ATP6V1E1: variants seen among roughly 807,000 people sequenced by gnomAD.
The protein encoded by ATP6V1E1 is V-type proton ATPase subunit E 1.
Under a neutral mutation model 35.2 loss-of-function variants are expected in ATP6V1E1, and 21 were observed. The observed-to-expected ratio is 0.60, with a 90% CI of 0.42 to 0.86. The LOEUF is 0.86. Among genes scored for constraint, ATP6V1E1 ranks in the 40% least tolerant of loss-of-function variants. The pLI, the probability that ATP6V1E1 is intolerant of heterozygous loss-of-function variation, is 0.00. For missense variants in ATP6V1E1, 183 were observed against 272.6 expected, an observed-to-expected ratio of 0.67 and a Z score of 2.32; for synonymous variants, 83 against 87.8, an observed-to-expected ratio of 0.95 and a Z score of 0.30.
intron 2 of ATP6V1E1, among the ~76,000 whole-genome samples, chr22:17,618,585 G>C (rs8141618): frequency 0.2 from 30,103 of 151,244 alleles, 3,631 homozygotes; most frequent in African/African-American, 0.34. Flanking sequence ...GGGAGGCTCA[G>C]GCAAGAGAAC....
At chr22:17,621,317 T>C (rs2057876296) in intron 1 of ATP6V1E1, among the ~76,000 whole-genome samples, 1 of 152,158 alleles carries the variant, frequency 6.6e-6, no homozygotes, top group Non-Finnish European at 1.5e-5. Flanking sequence ...TATCACTGCT[T>C]ATCTGTCTTT....
intron 3 of ATP6V1E1, 29 bp downstream of exon 3, chr22:17,613,177 TCTTAG>T (rs747848188): frequency 2.3e-5 from 37 of 1,587,694 alleles, no homozygotes; most frequent in South Asian, 2.2e-4. Flanking sequence ...TCAGAAAACT[TCTTAG>T]CTTAATACTG....
At chr22:17,609,278 A>C (rs2057802403) in intron 4 of ATP6V1E1, among the ~76,000 whole-genome samples, 1 of 150,320 alleles carries the variant, frequency 6.7e-6, no homozygotes, top group South Asian at 2.1e-4. Context: ...CTCCTGCCTC[A>C]GCCTCTCGAG....
chr22:17,599,564 C>T (rs368916988), intron 6 of ATP6V1E1, among the ~76,000 whole-genome samples: 72 of 117,632 alleles, frequency 6.1e-4, no homozygotes, highest in African/African-American at 9.0e-4. Context: ...GAAATGAGAG[C>T]GAAACTCCAT....
At chr22:17,598,382 T>A in intron 6 of ATP6V1E1, 94 bp from the exon 7 acceptor site, 1 of 988,614 alleles carries the variant, frequency 1.0e-6, no homozygotes, top group Non-Finnish European at 1.6e-6. Context: ...ATACCTCCAT[T>A]TATCCCAGGT....
In ATP6V1E1 at chr22:17,628,688, G is replaced by A. The variant is rs1332145618; in HGVS notation, c.-53C>T. 4.3e-6 allele frequency: 7 copies of A among 1,611,972 alleles called. No individual in the cohort carries two copies. The highest frequency in any genetic ancestry group is 2.7e-5 in the African/African-American group (2 of 74,884). ...AGTAGGCTCGAGTTTAGGTTTGAAA[G>A]GTGAGGTGAGAGAAATCGGCAAAGG... On this transcript the variant is annotated 5_prime_UTR_variant, in exon 1 of 9. Coordinates refer to ENST00000253413, the MANE Select transcript of ATP6V1E1 (RefSeq NM_001696.4).
chr22:17,598,330 T>C lies in ATP6V1E1; in HGVS notation c.436-42A>G, dbSNP rs145794024. ...CAATGAGAGGTGTCACTAGGAACTATGAAGCAAGTATCCAAAAACTCAACA... is the reference window on the plus strand; with the variant it reads ...CAATGAGAGGTGTCACTAGGAACTACGAAGCAAGTATCCAAAAACTCAACA... On this transcript the variant is annotated intron_variant, in intron 6 of 8. Transcript: ENST00000253413. 3.6e-4 allele frequency: 533 copies of C among 1,488,746 alleles called. 5 individuals are homozygous for C. The East Asian group carries it at 0.012, about 33-fold the overall frequency. 92.2% of individuals were successfully genotyped at this position (1,488,746 alleles called of 1,614,324 possible). A position where few individuals can be genotyped will look rare whatever the true frequency, so the allele number is the denominator to read the frequency against.
Position 17,624,510 on chromosome 22 carries a change from C to T in ATP6V1E1, c.33+4093G>A, listed in dbSNP as rs569899531. On this transcript the variant is annotated intron_variant, in intron 1 of 8. Transcript: ENST00000253413. Reference sequence around the variant, plus strand: ...CAGAGGCTGCAGTGAGCTGAGATCACGCCATGGCACTCCAGCCTGGGCAAG... The same window carrying T: ...CAGAGGCTGCAGTGAGCTGAGATCATGCCATGGCACTCCAGCCTGGGCAAG... Among the ~76,000 whole-genome samples, 7 of 152,074 alleles carry T rather than the reference C, an allele frequency of 4.6e-5. No homozygotes were observed. In the East Asian group the frequency reaches 1.4e-3, roughly 29 times the overall value.
intron 1 of ATP6V1E1, among the ~76,000 whole-genome samples, chr22:17,628,333 A>G (rs1036912334): frequency 6.6e-6 from 1 of 152,236 alleles, no homozygotes; most frequent in Admixed American, 6.5e-5. Context: ...CTTGGAAAAC[A>G]GGGAATGCTG....
chr22:17,603,711 C>T (rs1052561599), intron 4 of ATP6V1E1, among the ~76,000 whole-genome samples: 6 of 152,240 alleles, frequency 3.9e-5, no homozygotes, highest in East Asian at 1.9e-4. Context: ...TATGTGTAGG[C>T]AAATATTCCA....
chr22:17,628,755 C>T (rs2057942014), upstream of ATP6V1E1: 4 of 1,405,052 alleles, frequency 2.8e-6, no homozygotes, highest in Non-Finnish European at 4.0e-6. Context: ...TTTATAACCG[C>T]GGGTTCCGGT....
intron 2 of ATP6V1E1, among the ~76,000 whole-genome samples, chr22:17,617,251 C>A (rs945479746): frequency 6.6e-6 from 1 of 152,098 alleles, no homozygotes; most frequent in Non-Finnish European, 1.5e-5. Flanking sequence ...ACTAAAAGGA[C>A]AATGAAAATA....
intron 2 of ATP6V1E1, among the ~76,000 whole-genome samples, chr22:17,615,506 C>A (rs1461220397): frequency 6.6e-6 from 1 of 151,262 alleles, no homozygotes; most frequent in Non-Finnish European, 1.5e-5. Context: ...ATTACCTGGG[C>A]CTGGGTAGGC....
rs1347209923 is a variant in ATP6V1E1, at chr22:17,628,687, A to G, written c.-52T>C. On this transcript the variant is annotated 5_prime_UTR_variant, in exon 1 of 9. Coordinates refer to ENST00000253413, the MANE Select transcript of ATP6V1E1 (RefSeq NM_001696.4). ...CAGTAGGCTCGAGTTTAGGTTTGAA[A>G]GGTGAGGTGAGAGAAATCGGCAAAG... The G allele has an allele frequency of 2.5e-6, 4 of 1,612,270 alleles. No homozygotes were observed. Among genetic ancestry groups the G allele is most frequent in the Non-Finnish European group, 2.5e-6 (3 of 1,178,442 alleles).
intron 1 of ATP6V1E1, among the ~76,000 whole-genome samples, chr22:17,622,060 A>G (rs945081802): frequency 4.6e-5 from 7 of 152,232 alleles, no homozygotes; most frequent in Non-Finnish European, 8.8e-5. Context: ...ATACCCAAGT[A>G]AAAATCCAAC....
chr22:17,612,847 G>A lies in ATP6V1E1; in HGVS notation c.241C>T (p.Leu81Phe). 1 of 1,610,330 alleles carries A rather than the reference G, an allele frequency of 6.2e-7. No individual in the cohort carries two copies. ...TCATCTCTTGCTCTGAGGACTTTGA[G>A]TCTCGCTTGATTCATCAAATTGGAC... ...QMSNLMNQARLKVLRARDDLI... is the reference protein window; with the variant it reads ...QMSNLMNQARFKVLRARDDLI... Residue 81 changes from leucine to phenylalanine, a missense_variant, in exon 4 of 9, where the codon CTC (leucine) becomes TTC (phenylalanine). Coordinates refer to ENST00000253413, the MANE Select transcript of ATP6V1E1 (RefSeq NM_001696.4).
chr22:17,628,631 G>A lies in ATP6V1E1; in HGVS notation c.5C>T (p.Ala2Val), dbSNP rs2057939542. Residue 2 changes from alanine to valine, a missense_variant, in exon 1 of 9, where the codon GCT (alanine) becomes GTT (valine). Coordinates refer to ENST00000253413, the MANE Select transcript of ATP6V1E1 (RefSeq NM_001696.4). The stretch of plus-strand genomic sequence containing the variant: ...CTTTTGCACGTCAGCATCGCTGAGA[G>A]CCATGGCGAGAGCAATGCTAGGCCG... M[A>V]LSDADVQKQI... 6.2e-7 allele frequency: 1 copy of A among 1,614,200 alleles called. No homozygotes were observed. The highest frequency in any genetic ancestry group is 8.5e-7 in the Non-Finnish European group (1 of 1,180,046).
chr22:17,597,672 A>G (rs571242112), intron 7 of ATP6V1E1, among the ~76,000 whole-genome samples: 1 of 151,922 alleles, frequency 6.6e-6, no homozygotes, highest in East Asian at 1.9e-4. Context: ...CTGTCGCCAT[A>G]CTGGAGTCCA....
chr22:17,608,973 C>T (rs1223326682), intron 4 of ATP6V1E1, among the ~76,000 whole-genome samples: 1 of 152,000 alleles, frequency 6.6e-6, no homozygotes, highest in African/African-American at 2.4e-5. Flanking sequence ...GTAGTCCCAG[C>T]TACTCAAGGA....
Sources: allele counts gnomAD v4.1 joint callset (sites outside exome capture counted in the v4.1 genomes callset), GRCh38; gene constraint gnomAD v4.1.1; transcripts MANE v1.5; gene names NCBI Gene and HGNC (gene_info 2026-07-23, HGNC 2026-07-21).